The following CNTN4 variants were observed in gnomAD, a reference collection of about 807,000 sequenced individuals.
CNTN4 encodes the protein contactin-4.
In CNTN4, 77 loss-of-function variants were observed where a neutral mutation model predicts 122.5. The observed-to-expected ratio is 0.63, with a 90% CI of 0.52 to 0.76. CNTN4 has a LOEUF of 0.76. Ranked by LOEUF, CNTN4 falls within the 30% of genes least tolerant of loss-of-function variation. CNTN4 has a pLI of 0.00. For synonymous variants in CNTN4, 512 were observed against 447.0 expected, an observed-to-expected ratio of 1.15 and a Z score of -1.83; for missense variants, 1,256 against 1,259.1, an observed-to-expected ratio of 1.00 and a Z score of 0.04.
At chr3:2,416,703 G>T (rs1387150381) in intron 3 of CNTN4, among the ~76,000 whole-genome samples, 2 of 152,050 alleles carry the variant, frequency 1.3e-5, no homozygotes, top group Non-Finnish European at 2.9e-5. Flanking sequence ...GCCCAGGCTG[G>T]AGTGCAGTGG....
chr3:2,555,933 C>A (rs1173632814), intron 3 of CNTN4, among the ~76,000 whole-genome samples: 1 of 152,088 alleles, frequency 6.6e-6, no homozygotes, highest in African/African-American at 2.4e-5. Flanking sequence ...GGGAATCTGC[C>A]ATGGGTAACC....
chr3:2,186,981 T>C (rs2037300798), intron 2 of CNTN4, among the ~76,000 whole-genome samples: 1 of 152,230 alleles, frequency 6.6e-6, no homozygotes, highest in African/African-American at 2.4e-5. Context: ...TTTTGGTGTT[T>C]TAGACATGAA....
chr3:2,420,201 G>A (rs996217054), intron 3 of CNTN4, among the ~76,000 whole-genome samples: 1 of 152,106 alleles, frequency 6.6e-6, no homozygotes, highest in Non-Finnish European at 1.5e-5. Context: ...TTGTTCCTCA[G>A]CACTTTTTCC....
chr3:2,922,560 C>G (rs1425132624), intron 12 of CNTN4, among the ~76,000 whole-genome samples: 2 of 150,798 alleles, frequency 1.3e-5, no homozygotes, highest in African/African-American at 2.4e-5. Context: ...GGTTAGATAA[C>G]TTCAGAAGCT....
intron 2 of CNTN4, among the ~76,000 whole-genome samples, chr3:2,124,433 A>AAAACAC (rs2033994282): frequency 8.1e-6 from 1 of 123,816 alleles, no homozygotes; most frequent in Non-Finnish European, 1.7e-5. Context: ...ATTTATTTAA[A>AAAACAC]ACACACACAC....
chr3:2,499,076 A>G (rs952345541), intron 3 of CNTN4, among the ~76,000 whole-genome samples: 3 of 152,196 alleles, frequency 2.0e-5, no homozygotes, highest in African/African-American at 7.2e-5. Context: ...GGCGTAAGCC[A>G]CTACACCTGG....
At chr3:2,944,208 A>T (rs2094648946) in intron 13 of CNTN4, among the ~76,000 whole-genome samples, 1 of 151,926 alleles carries the variant, frequency 6.6e-6, no homozygotes, top group African/African-American at 2.4e-5. Context: ...ACACCCTCAA[A>T]TACCAACAGA....
At position 3,040,317 on chromosome 3, in the gene CNTN4, A is replaced by G. The variant is rs770928080; in HGVS notation, c.2398+46A>G. 6 of 1,419,978 alleles carry G rather than the reference A, an allele frequency of 4.2e-6. No homozygotes were observed. In the African/African-American group the frequency reaches 5.6e-5, roughly 13 times the overall value. 88.0% of individuals were successfully genotyped at this position (1,419,978 alleles called of 1,614,324 possible). On this transcript the variant is annotated intron_variant, in intron 20 of 24. Transcript: ENST00000418658. The stretch of plus-strand genomic sequence containing the variant: ...ATCATTGACTGTTAATATTTCTTCA[A>G]TTCTAAAATGTGGATTGTAGCACGT...
At chr3:2,594,012 G>C (rs1287332186) in intron 4 of CNTN4, among the ~76,000 whole-genome samples, 1 of 152,092 alleles carries the variant, frequency 6.6e-6, no homozygotes, top group Non-Finnish European at 1.5e-5. Flanking sequence ...TTCCAAATAT[G>C]TAGTACCTTG....
chr3:2,697,206 C>G (rs550996515), intron 4 of CNTN4, among the ~76,000 whole-genome samples: 1 of 152,168 alleles, frequency 6.6e-6, no homozygotes. Flanking sequence ...CATGCATATG[C>G]TCCTGGAAAG....
intron 2 of CNTN4, among the ~76,000 whole-genome samples, chr3:2,134,942 A>G (rs1215680039): frequency 1.3e-5 from 2 of 152,178 alleles, no homozygotes; most frequent in Non-Finnish European, 2.9e-5. Flanking sequence ...CCTCACAGAC[A>G]CACCCAGAAG....
chr3:2,452,825 A>G (rs1022002715), intron 3 of CNTN4, among the ~76,000 whole-genome samples: 2 of 152,096 alleles, frequency 1.3e-5, no homozygotes, highest in African/African-American at 4.8e-5. Flanking sequence ...ATGTCAGGGA[A>G]AGGGAATATC....
At chr3:2,864,641 A>T (rs537009047) in intron 7 of CNTN4, among the ~76,000 whole-genome samples, 3 of 150,498 alleles carry the variant, frequency 2.0e-5, no homozygotes, top group African/African-American at 4.9e-5. Context: ...TGGGAGGCTG[A>T]GACAGGAGAA....
intron 4 of CNTN4, among the ~76,000 whole-genome samples, chr3:2,689,626 A>G (rs562219964): frequency 2.0e-5 from 3 of 152,298 alleles, no homozygotes; most frequent in South Asian, 4.1e-4. Context: ...CCAGAAAGCA[A>G]TTAATCTGCA....
At chr3:2,870,329 C>T (rs564402244) in intron 8 of CNTN4, among the ~76,000 whole-genome samples, 2 of 152,302 alleles carry the variant, frequency 1.3e-5, no homozygotes, top group Admixed American at 6.5e-5. Flanking sequence ...AATGCCCACT[C>T]ATTCTTAATT....
intron 2 of CNTN4, among the ~76,000 whole-genome samples, chr3:2,259,192 C>T (rs1575193613): frequency 6.6e-6 from 1 of 151,992 alleles, no homozygotes; most frequent in Non-Finnish European, 1.5e-5. Flanking sequence ...TGCTCATAAG[C>T]CTAGGTTTTG....
At chr3:2,398,719 A>G (rs1397720771) in intron 3 of CNTN4, among the ~76,000 whole-genome samples, 3 of 152,122 alleles carry the variant, frequency 2.0e-5, no homozygotes, top group Non-Finnish European at 2.9e-5. Flanking sequence ...CTGGCCCATC[A>G]TTGTTGGGGT....
At chr3:2,619,972 TC>T (rs779408832) in intron 4 of CNTN4, among the ~76,000 whole-genome samples, 5 of 150,506 alleles carry the variant, frequency 3.3e-5, no homozygotes, top group Non-Finnish European at 7.4e-5. Context: ...GGTACTTTTT[TC>T]CCCTGGCATA....
At chr3:2,739,787 T>A (rs2089350422) in intron 5 of CNTN4, among the ~76,000 whole-genome samples, 1 of 152,230 alleles carries the variant, frequency 6.6e-6, no homozygotes, top group Admixed American at 6.5e-5. Flanking sequence ...ATTTATTTAC[T>A]GAATTGGACA....
Sources: gnomAD v4.1 joint callset for allele counts (sites outside exome capture counted in the v4.1 genomes callset) on GRCh38, gnomAD v4.1.1 for gene constraint, MANE v1.5 for transcripts, NCBI Gene and HGNC (gene_info 2026-07-23, HGNC 2026-07-21) for gene names.